The following CDH13 variants were observed in gnomAD, a reference collection of about 807,000 sequenced individuals.
CDH13 encodes cadherin-13.
Under a neutral mutation model 63.8 loss-of-function variants are expected in CDH13, and 24 were observed. The ratio of observed to expected loss-of-function variants is 0.38; its 90% CI spans 0.27 to 0.53. The LOEUF (loss-of-function observed/expected upper bound fraction) is 0.53. CDH13 is among the 20% of genes least tolerant of loss of function. The pLI, the probability that CDH13 is intolerant of heterozygous loss-of-function variation, is 0.85. For missense variants in CDH13, 1,049 were observed against 903.1 expected (o/e 1.16, Z -2.07); for synonymous variants, 503 against 355.3 (o/e 1.42, Z -4.67).
In CDH13 at chr16:82,949,557, A is replaced by G. The variant is rs375098534; in HGVS notation, c.158-82453A>G. ...AGTTCTTAATAGGGTCAATATTTCA[A>G]TGCGTGCATTTGTTTTTTATAATGA... On this transcript the variant is annotated intron_variant, in intron 2 of 13. Coordinates refer to ENST00000567109, the MANE Select transcript of CDH13 (RefSeq NM_001257.5). Among the ~76,000 whole-genome samples, 67 of 152,324 alleles carry G rather than the reference A, an allele frequency of 4.4e-4. No homozygotes were observed. In the South Asian group the frequency reaches 0.014, roughly 31 times the overall value.
chr16:83,562,360 C>CA lies in CDH13; in HGVS notation c.961-40088dup, dbSNP rs2075724391. On this transcript the variant is annotated intron_variant, in intron 7 of 13. Coordinates refer to ENST00000567109, the MANE Select transcript of CDH13 (RefSeq NM_001257.5). Reference sequence around the variant, plus strand: ...GAAAAAAAAATTGCAAAGTATATAGCAAAAAATTAGCAAACAGCACCAACT... The same window carrying CA: ...GAAAAAAAAATTGCAAAGTATATAGCAAAAAAATTAGCAAACAGCACCAACT... Among the ~76,000 whole-genome samples the CA allele has an allele frequency of 1.3e-5, 2 of 152,242 alleles. 1 individual carries two copies. Among genetic ancestry groups the CA allele is most frequent in the African/African-American group, 4.8e-5 (2 of 41,546 alleles).
chr16:82,843,485 A>G (rs1287384557), intron 1 of CDH13, among the ~76,000 whole-genome samples: 1 of 152,228 alleles, frequency 6.6e-6, no homozygotes, highest in South Asian at 2.1e-4. Context: ...CATTCTGCTT[A>G]ACATAATCAG....
chr16:82,891,327 C>T (rs796545521), intron 2 of CDH13, among the ~76,000 whole-genome samples: 3 of 152,130 alleles, frequency 2.0e-5, no homozygotes, highest in South Asian at 2.1e-4. Flanking sequence ...ATTTCCCATC[C>T]TCTTTTTATC....
At chr16:83,178,172 G>A (rs56341408) in intron 4 of CDH13, among the ~76,000 whole-genome samples, 5,958 of 152,176 alleles carry the variant, frequency 0.039, 195 homozygotes, top group Non-Finnish European at 0.052. Context: ...GGGTTTTTCA[G>A]CCTCAGAACT....
chr16:83,658,292 TGTCCTC>T, intron 8 of CDH13, among the ~76,000 whole-genome samples: 1 of 117,668 alleles, frequency 8.5e-6, no homozygotes, highest in Non-Finnish European at 1.8e-5. Flanking sequence ...CAAGGTCTCA[TGTCCTC>T]ACCACCAGGT....
intron 2 of CDH13, among the ~76,000 whole-genome samples, chr16:82,902,414 A>G (rs1407505391): frequency 6.6e-6 from 1 of 151,380 alleles, no homozygotes; most frequent in Non-Finnish European, 1.5e-5. Context: ...TCCCAGCATT[A>G]GTTGAGGATC....
At chr16:82,713,572 G>T (rs1429957248) in intron 1 of CDH13, among the ~76,000 whole-genome samples, 1 of 152,104 alleles carries the variant, frequency 6.6e-6, no homozygotes, top group Non-Finnish European at 1.5e-5. Flanking sequence ...CTCAGAGGTT[G>T]CAGAAAGATA....
At chr16:82,664,058 G>A (rs751513302) in intron 1 of CDH13, among the ~76,000 whole-genome samples, 4 of 152,342 alleles carry the variant, frequency 2.6e-5, no homozygotes, top group South Asian at 2.1e-4. Flanking sequence ...TTATTCTGCG[G>A]AAATATTACT....
chr16:83,757,536 C>T (rs1043760883), intron 11 of CDH13, among the ~76,000 whole-genome samples: 1 of 152,134 alleles, frequency 6.6e-6, no homozygotes, highest in Non-Finnish European at 1.5e-5. Flanking sequence ...CAAGATCGCA[C>T]CACTGCATCC....
intron 2 of CDH13, among the ~76,000 whole-genome samples, chr16:82,874,609 A>T (rs568323847): frequency 6.6e-6 from 1 of 152,334 alleles, no homozygotes; most frequent in South Asian, 2.1e-4. Flanking sequence ...AAATTTTCAT[A>T]TGTATACATT....
At chr16:83,217,240 G>A in intron 4 of CDH13, 105 bp from the exon 5 acceptor site, 3 of 1,104,104 alleles carry the variant, frequency 2.7e-6, no homozygotes, top group Non-Finnish European at 4.1e-6. Flanking sequence ...AGGTACCCAT[G>A]TGCTGGCACC....
chr16:83,793,484 CTCTT>C (rs1001288028), intron 13 of CDH13, among the ~76,000 whole-genome samples: 2 of 152,188 alleles, frequency 1.3e-5, no homozygotes, highest in Non-Finnish European at 2.9e-5. Flanking sequence ...ATGCTGATGT[CTCTT>C]TCTGTGAAGT....
chr16:83,726,862 C>CT (rs1256490793), intron 10 of CDH13, among the ~76,000 whole-genome samples: 4 of 151,116 alleles, frequency 2.6e-5, no homozygotes, highest in African/African-American at 9.7e-5. Context: ...AATCACCGTC[C>CT]TTTTTTGGCG....
chr16:83,014,156 A>G (rs1010248991), intron 2 of CDH13, among the ~76,000 whole-genome samples: 1 of 152,038 alleles, frequency 6.6e-6, no homozygotes, highest in African/African-American at 2.4e-5. Flanking sequence ...AAAAAAAGGA[A>G]ATAGAATTGC....
At chr16:83,436,952 T>C (rs2072323307) in intron 6 of CDH13, among the ~76,000 whole-genome samples, 1 of 152,226 alleles carries the variant, frequency 6.6e-6, no homozygotes, top group Admixed American at 6.5e-5. Flanking sequence ...CATTTTTTTT[T>C]AATGTAGGAG....
intron 5 of CDH13, among the ~76,000 whole-genome samples, chr16:83,248,324 A>G (rs140016608): frequency 2.0e-5 from 3 of 152,232 alleles, no homozygotes; most frequent in East Asian, 1.9e-4. Flanking sequence ...CCCTCTAGCT[A>G]TGTCCTTCAG....
chr16:82,711,662 T>A (rs889222655), intron 1 of CDH13, among the ~76,000 whole-genome samples: 1 of 152,174 alleles, frequency 6.6e-6, no homozygotes, highest in African/African-American at 2.4e-5. Context: ...CAGGGGAAAG[T>A]CAGGACTGGG....
chr16:83,563,698 T>C (rs930115397), intron 7 of CDH13, among the ~76,000 whole-genome samples: 8 of 152,154 alleles, frequency 5.3e-5, no homozygotes, highest in African/African-American at 1.7e-4. Flanking sequence ...TAAGAACACA[T>C]ACTGGACAAG....
intron 1 of CDH13, among the ~76,000 whole-genome samples, chr16:82,687,294 G>C (rs188804305): frequency 6.6e-6 from 1 of 152,208 alleles, no homozygotes; most frequent in South Asian, 2.1e-4. Context: ...CTGGGTGGTG[G>C]TGGGGTTACT....
Sources: allele counts gnomAD v4.1 joint callset (sites outside exome capture counted in the v4.1 genomes callset), GRCh38; gene constraint gnomAD v4.1.1; transcripts MANE v1.5; gene names NCBI Gene and HGNC (gene_info 2026-07-23, HGNC 2026-07-21).